The following CFAP96 variants were observed in gnomAD, a reference collection of about 807,000 sequenced individuals.
CFAP96 encodes cilia and flagella associated protein 96, also known as cilia-and flagella-associated protein 96.
the CFAP96 span, chr4:185,431,943 T>G: frequency 6.9e-7 from 1 of 1,439,900 alleles, no homozygotes; most frequent in East Asian, 2.5e-5. Context: ...TAATTGCTAG[T>G]CAGCTCAAAA....
the CFAP96 span, among the ~76,000 whole-genome samples, chr4:185,436,712 A>AAATAATAT: frequency 2.1e-5 from 3 of 144,130 alleles, no homozygotes. Flanking sequence ...TCCGTCTCAA[A>AAATAATAT]AATAATAATA....
At chr4:185,422,829 TG>T in the CFAP96 span, among the ~76,000 whole-genome samples, 1 of 152,224 alleles carries the variant, frequency 6.6e-6, no homozygotes, top group Non-Finnish European at 1.5e-5. Context: ...CCAGAGATTC[TG>T]ATTAACTGGT....
At chr4:185,409,849 G>C in the CFAP96 span, among the ~76,000 whole-genome samples, 2 of 152,172 alleles carry the variant, frequency 1.3e-5, no homozygotes, top group African/African-American at 4.8e-5. Flanking sequence ...ATGTGACTGA[G>C]GAGGCAGAGA....
chr4:185,427,084 TAAG>T, the CFAP96 span, among the ~76,000 whole-genome samples: 4 of 149,694 alleles, frequency 2.7e-5, no homozygotes, highest in Non-Finnish European at 4.5e-5. Flanking sequence ...AAAAAATTAA[TAAG>T]AAAAAAGTTA....
chr4:185,412,831 T>C, the CFAP96 span, among the ~76,000 whole-genome samples: 6 of 152,134 alleles, frequency 3.9e-5, no homozygotes, highest in African/African-American at 7.2e-5. Context: ...CCCAGCTCTA[T>C]TGGTATTCCT....
chr4:185,428,959 T>C, the CFAP96 span, among the ~76,000 whole-genome samples: 56 of 152,316 alleles, frequency 3.7e-4, no homozygotes, highest in Admixed American at 1.1e-3. Context: ...ACTGTAAAAA[T>C]GTCTGCCTTA....
chr4:185,447,870 G>A, the CFAP96 span, among the ~76,000 whole-genome samples: 3 of 152,166 alleles, frequency 2.0e-5, no homozygotes, highest in Non-Finnish European at 2.9e-5. Flanking sequence ...AATCACTAAT[G>A]TATGAGATGC....
the CFAP96 span, among the ~76,000 whole-genome samples, chr4:185,441,487 C>T: frequency 6.6e-6 from 1 of 151,778 alleles, no homozygotes; most frequent in African/African-American, 2.4e-5. Context: ...ATGTTTTGTG[C>T]TGTTCAGGAA....
At chr4:185,420,573 A>G in the CFAP96 span, among the ~76,000 whole-genome samples, 2 of 152,182 alleles carry the variant, frequency 1.3e-5, no homozygotes, top group Non-Finnish European at 2.9e-5. Context: ...TGTAGAGATT[A>G]CTCATAACAA....
chr4:185,443,342 A>ATATATATATTTTTTTTTTTTTTT, the CFAP96 span, among the ~76,000 whole-genome samples: 2 of 26,726 alleles, frequency 7.5e-5, no homozygotes, highest in African/African-American at 1.2e-4. Context: ...ATATATATAT[A>ATATATATATTTTTTTTTTTTTTT]TTTTTTTTTT....
the CFAP96 span, among the ~76,000 whole-genome samples, chr4:185,438,484 T>C: frequency 6.6e-6 from 1 of 152,334 alleles, no homozygotes; most frequent in Non-Finnish European, 1.5e-5. Context: ...ATTCAGGATA[T>C]AGTTACTGTC....
At chr4:185,427,657 G>A in the CFAP96 span, among the ~76,000 whole-genome samples, 1 of 151,902 alleles carries the variant, frequency 6.6e-6, no homozygotes, top group African/African-American at 2.4e-5. Context: ...CTACCTGGGA[G>A]GCTGCGGCAG....
chr4:185,413,847 G>A, the CFAP96 span: 1 of 1,608,972 alleles, frequency 6.2e-7, no homozygotes, highest in Non-Finnish European at 8.5e-7. Context: ...TCTGTCGTGA[G>A]GCAGATTGAA....
At chr4:185,445,688 A>G in the CFAP96 span, 1 of 566,458 alleles carries the variant, frequency 1.8e-6, no homozygotes, top group South Asian at 2.5e-5. Context: ...TCTTTGGAGT[A>G]AAAACAATCA....
the CFAP96 span, among the ~76,000 whole-genome samples, chr4:185,443,342 A>ATTTTTTT: frequency 1.4e-3 from 37 of 26,722 alleles, no homozygotes; most frequent in African/African-American, 4.1e-3. Flanking sequence ...ATATATATAT[A>ATTTTTTT]TTTTTTTTTT....
At chr4:185,427,808 G>T in the CFAP96 span, among the ~76,000 whole-genome samples, 1 of 149,640 alleles carries the variant, frequency 6.7e-6, no homozygotes, top group East Asian at 1.9e-4. Flanking sequence ...CTTACCAGCC[G>T]GGCGCGGTGG....
At chr4:185,420,720 A>C in the CFAP96 span, among the ~76,000 whole-genome samples, 1 of 152,228 alleles carries the variant, frequency 6.6e-6, no homozygotes, top group South Asian at 2.1e-4. Context: ...TTACCTAAAA[A>C]AAACTGTGAA....
the CFAP96 span, among the ~76,000 whole-genome samples, chr4:185,430,728 C>A: frequency 6.6e-6 from 1 of 151,284 alleles, no homozygotes; most frequent in African/African-American, 2.4e-5. Flanking sequence ...CATAGTGAGA[C>A]CCTGTCTCTA....
At chr4:185,415,679 A>G in the CFAP96 span, 817 of 1,582,302 alleles carry the variant, frequency 5.2e-4, 5 homozygotes, top group African/African-American at 9.9e-3. Context: ...CCCTCATTCA[A>G]ATGTGGCAGT....
Sources: gnomAD v4.1 joint callset for allele counts (sites outside exome capture counted in the v4.1 genomes callset) on GRCh38, gnomAD v4.1.1 for gene constraint, MANE v1.5 for transcripts, NCBI Gene and HGNC (gene_info 2026-07-23, HGNC 2026-07-21) for gene names.